ZNF407: variants seen among roughly 807,000 people sequenced by gnomAD.
The protein encoded by ZNF407 is zinc finger protein 407.
Under a neutral mutation model 131.2 loss-of-function variants are expected in ZNF407, and 17 were observed. The observed-to-expected ratio is 0.13, with a 90% CI of 0.09 to 0.19. The LOEUF (loss-of-function observed/expected upper bound fraction) is 0.19. Among genes scored for constraint, ZNF407 ranks in the 10% least tolerant of loss-of-function variants. The probability of loss-of-function intolerance (pLI) is 1.00; values close to 1 mark genes in which losing one functional copy is unlikely to be tolerated. For synonymous variants in ZNF407, 1,156 were observed against 1,062.0 expected (o/e 1.09, Z -1.72); for missense variants, 2,681 against 2,830.6 (o/e 0.95, Z 1.20).
chr18:75,024,058 C>A (rs1290286528), intron 8 of ZNF407, among the ~76,000 whole-genome samples: 1 of 152,086 alleles, frequency 6.6e-6, no homozygotes. Flanking sequence ...TCAAGCTTAT[C>A]CTCAAAATGT....
Position 74,633,174 on chromosome 18 carries a change from G to T in ZNF407, c.2155G>T (p.Val719Phe), listed in dbSNP as rs376743856. 4 of 1,613,402 alleles carry T rather than the reference G, an allele frequency of 2.5e-6. No homozygotes were observed. The African/African-American group carries it at 5.3e-5, about 22-fold the overall frequency. Residue 719 changes from valine (V) to phenylalanine (F), a missense_variant, in exon 2 of 9, where the codon GTT becomes TTT. Coordinates refer to ENST00000299687, the MANE Select transcript of ZNF407 (RefSeq NM_017757.3). ...KCFYKTRSST[V>F]LTRHIKLRHG... Reference sequence around the variant, plus strand: ...TTTTTATAAAACAAGATCTTCTACTGTTCTCACGAGACATATAAAGCTTCG... The same window carrying T: ...TTTTTATAAAACAAGATCTTCTACTTTTCTCACGAGACATATAAAGCTTCG...
rs1470275351 is a variant in ZNF407, at chr18:75,064,112, G to A, written c.6391G>A (p.Glu2131Lys). 30 of 1,595,530 alleles carry A rather than the reference G, an allele frequency of 1.9e-5. No individual in the cohort carries two copies. Among genetic ancestry groups the A allele is most frequent in the Non-Finnish European group, 2.3e-5 (27 of 1,171,640 alleles). The change falls in exon 9 of 9, where the codon GAG becomes AAG. Residue 2131 changes from glutamate to lysine, a missense_variant. Physicochemically the swap from Glu to Lys is moderately conservative, Grantham distance 56. This residue lies in a region of ZNF407 where 620 missense variants were observed against 583.1 expected (regional missense o/e 1.06). Coordinates refer to ENST00000299687, the MANE Select transcript of ZNF407 (RefSeq NM_017757.3). ...AQIIMQEAQGEHMDLVESDGE... is the reference protein window; with the variant it reads ...AQIIMQEAQGKHMDLVESDGE... The stretch of plus-strand genomic sequence containing the variant: ...GATCATCATGCAGGAGGCGCAGGGC[G>A]AGCACATGGATCTGGTGGAGTCCGA...
intron 3 of ZNF407, among the ~76,000 whole-genome samples, chr18:74,657,682 C>T (rs72967624): frequency 0.054 from 8,179 of 152,192 alleles, 281 homozygotes; most frequent in East Asian, 0.11. Context: ...TTTCTTTCCT[C>T]GGCATTGTCT....
chr18:74,825,104 CA>C, intron 4 of ZNF407, among the ~76,000 whole-genome samples: 1 of 152,180 alleles, frequency 6.6e-6, no homozygotes, highest in South Asian at 2.1e-4. Context: ...GAACCAGTGA[CA>C]AAAACCACAT....
chr18:74,673,049 C>A lies in ZNF407; in HGVS notation c.4802+31927C>A, dbSNP rs894669003. Among the ~76,000 whole-genome samples the A allele has an allele frequency of 6.6e-5, 10 of 152,278 alleles. 1 individual carries two copies. Among genetic ancestry groups the A allele is most frequent in the African/African-American group, 2.4e-4 (10 of 41,554 alleles). ...ATTTACTGGGAGGTGCTGGGTATTA[C>A]AATGGCTGCTATCTCTTAAATTATC... On this transcript the variant is annotated intron_variant, in intron 3 of 8. Transcript: ENST00000299687.
intron 8 of ZNF407, among the ~76,000 whole-genome samples, chr18:74,952,500 G>A (rs1972226369): frequency 6.6e-6 from 1 of 152,144 alleles, no homozygotes; most frequent in African/African-American, 2.4e-5. Flanking sequence ...CTAACCCTCA[G>A]GGAAAGATAG....
intron 6 of ZNF407, among the ~76,000 whole-genome samples, chr18:74,882,820 A>G (rs1053447052): frequency 1.3e-5 from 2 of 152,220 alleles, no homozygotes; most frequent in African/African-American, 2.4e-5. Flanking sequence ...AAAGTTGGAA[A>G]TTGGAAACAT....
At chr18:74,781,118 T>A (rs889007062) in intron 3 of ZNF407, among the ~76,000 whole-genome samples, 26 of 152,180 alleles carry the variant, frequency 1.7e-4, no homozygotes, top group African/African-American at 6.0e-4. Flanking sequence ...CATGTTATAC[T>A]GAGGTATTGC....
At chr18:75,035,309 T>C (rs527951893) in intron 8 of ZNF407, among the ~76,000 whole-genome samples, 1 of 152,362 alleles carries the variant, frequency 6.6e-6, no homozygotes, top group African/African-American at 2.4e-5. Flanking sequence ...AGAGCTTCTT[T>C]TAACAATTAT....
At chr18:74,715,475 A>G (rs1337301815) in intron 3 of ZNF407, among the ~76,000 whole-genome samples, 1 of 152,162 alleles carries the variant, frequency 6.6e-6, no homozygotes, top group Non-Finnish European at 1.5e-5. Context: ...GGCGCTGGTG[A>G]CTGGAGATGC....
At chr18:74,807,959 TC>T (rs1258871399) in intron 4 of ZNF407, among the ~76,000 whole-genome samples, 1 of 152,048 alleles carries the variant, frequency 6.6e-6, no homozygotes. Flanking sequence ...GCTCAAGCGA[TC>T]CCCCACCTCA....
At chr18:75,057,394 G>T (rs1314876091) in intron 8 of ZNF407, among the ~76,000 whole-genome samples, 4 of 152,108 alleles carry the variant, frequency 2.6e-5, no homozygotes, top group Non-Finnish European at 5.9e-5. Context: ...AACAACCTTT[G>T]ACCCCTTTAG....
chr18:74,672,736 TG>T (rs1189166598), intron 3 of ZNF407, among the ~76,000 whole-genome samples: 2 of 152,214 alleles, frequency 1.3e-5, no homozygotes, highest in African/African-American at 4.8e-5. Context: ...TGAATAATGC[TG>T]AATAGCTTTC....
chr18:74,673,853 G>A (rs771041577), intron 3 of ZNF407, among the ~76,000 whole-genome samples: 2 of 152,098 alleles, frequency 1.3e-5, no homozygotes, highest in Non-Finnish European at 2.9e-5. Flanking sequence ...TTACAACAGC[G>A]TACATAGGTA....
intron 4 of ZNF407, among the ~76,000 whole-genome samples, chr18:74,844,543 A>C (rs1377692292): frequency 1.3e-5 from 2 of 152,224 alleles, no homozygotes; most frequent in African/African-American, 4.8e-5. Flanking sequence ...AAGTTAAATT[A>C]ATACTTGTAT....
At chr18:74,989,782 G>GC (rs1311557227) in intron 8 of ZNF407, among the ~76,000 whole-genome samples, 8 of 151,420 alleles carry the variant, frequency 5.3e-5, no homozygotes, top group African/African-American at 1.9e-4. Context: ...GGTGGAGGTT[G>GC]CAGTGAGCCA....
At chr18:74,955,230 A>G (rs192784142) in intron 8 of ZNF407, among the ~76,000 whole-genome samples, 46 of 151,668 alleles carry the variant, frequency 3.0e-4, no homozygotes, top group Admixed American at 1.7e-3. Flanking sequence ...ACTGAAGGAG[A>G]GTGTTTACAC....
intron 7 of ZNF407, among the ~76,000 whole-genome samples, chr18:74,911,061 CGTG>C (rs1261809684): frequency 6.6e-6 from 1 of 152,118 alleles, no homozygotes; most frequent in African/African-American, 2.4e-5. Flanking sequence ...AAGTGACTTT[CGTG>C]GTGTGTATTA....
At chr18:74,835,639 T>G (rs1428116620) in intron 4 of ZNF407, among the ~76,000 whole-genome samples, 1 of 144,000 alleles carries the variant, frequency 6.9e-6, no homozygotes, top group Non-Finnish European at 1.5e-5. Flanking sequence ...GGTGTGTGTG[T>G]GTGTGTGTGT....
Sources: gnomAD v4.1 joint callset for allele counts (sites outside exome capture counted in the v4.1 genomes callset) on GRCh38, gnomAD v4.1.1 for gene constraint, gnomAD v4.1.1 regional missense constraint, MANE v1.5 for transcripts, NCBI Gene and HGNC (gene_info 2026-07-23, HGNC 2026-07-21) for gene names.